DISC1: variants seen among roughly 807,000 people sequenced by gnomAD.
The protein encoded by DISC1 is DISC1 scaffold protein, also known as disrupted in schizophrenia 1 protein.
DISC1 carries 57 observed loss-of-function variants against 84.5 expected under a neutral mutation model. That is an observed-to-expected ratio of 0.67 (90% confidence interval 0.55 to 0.84). The LOEUF (loss-of-function observed/expected upper bound fraction) is 0.84, where lower values mean the gene tolerates loss of function less well. Among genes scored for constraint, DISC1 ranks in the 40% least tolerant of loss-of-function variants. The pLI is 0.00. For missense variants in DISC1, 1,000 were observed against 1,057.8 expected (o/e 0.95, Z 0.76); for synonymous variants, 411 against 415.2 (o/e 0.99, Z 0.12).
At chr1:231,941,434 T>C (rs1051861167) in intron 9 of DISC1, among the ~76,000 whole-genome samples, 6 of 151,454 alleles carry the variant, frequency 4.0e-5, no homozygotes, top group Non-Finnish European at 8.8e-5. Flanking sequence ...AACAAACGTG[T>C]ATGGAGAGCC....
chr1:231,716,125 C>T lies in DISC1; in HGVS notation c.1117+14101C>T, dbSNP rs187888517. Among the ~76,000 whole-genome samples the T allele has an allele frequency of 3.5e-4, 53 of 152,174 alleles. 1 individual carries two copies. In the East Asian group the frequency reaches 9.6e-3, roughly 28 times the overall value. On this transcript the variant is annotated intron_variant, in intron 3 of 12. Transcript: ENST00000439617. ...TTATTTGCTGCCTTTTCTTTTTCTA[C>T]CTACCACTTACCCGCTACCCCCGGG...
At chr1:232,000,654 A>C (rs1297204947) in intron 10 of DISC1, among the ~76,000 whole-genome samples, 2 of 152,208 alleles carry the variant, frequency 1.3e-5, no homozygotes, top group African/African-American at 4.8e-5. Context: ...TAAGAATTGA[A>C]TTTCTGAAAA....
chr1:231,922,676 G>C (rs2090081350), intron 9 of DISC1, among the ~76,000 whole-genome samples: 1 of 151,898 alleles, frequency 6.6e-6, no homozygotes, highest in African/African-American at 2.4e-5. Flanking sequence ...CAGCCCTCCA[G>C]GCCAGCCAGG....
chr1:231,697,815 G>T (rs774052238), intron 2 of DISC1, among the ~76,000 whole-genome samples: 4 of 152,050 alleles, frequency 2.6e-5, no homozygotes, highest in Non-Finnish European at 5.9e-5. Flanking sequence ...TTCTACTTAG[G>T]TCAAACAAGT....
In DISC1 at chr1:232,040,537, C is replaced by T. The variant is rs1670741722; in HGVS notation, c.*3706C>T. 6.6e-6 allele frequency: 1 copy of T among 152,124 alleles called. No homozygotes were observed. Among genetic ancestry groups the T allele is most frequent in the Admixed American group, 6.5e-5 (1 of 15,276 alleles). The allele number at this position is 152,124 out of a possible 1,614,324, so 9.4% of individuals were successfully genotyped here. A position where few individuals can be genotyped will look rare whatever the true frequency, so the allele number is the denominator to read the frequency against. On this transcript the variant is annotated 3_prime_UTR_variant, in exon 13 of 13. Coordinates refer to ENST00000439617, the MANE Select transcript of DISC1 (RefSeq NM_018662.3). ...CCTTAAGAGGACTAATTCCCTTTTT[C>T]TAAGGCACAGAGCTGGTAAAATGTG... is the stretch of plus-strand genomic sequence containing the variant.
intron 7 of DISC1, among the ~76,000 whole-genome samples, chr1:231,795,742 A>G (rs1441840105): frequency 6.6e-6 from 1 of 152,074 alleles, no homozygotes; most frequent in African/African-American, 2.4e-5. Context: ...TACAAAAATT[A>G]GCTGGGTGTG....
intron 11 of DISC1, among the ~76,000 whole-genome samples, chr1:232,010,087 A>C (rs1667895357): frequency 6.6e-6 from 1 of 151,942 alleles, no homozygotes; most frequent in African/African-American, 2.4e-5. Flanking sequence ...TCGATCCTTG[A>C]TCCTATATTT....
intron 9 of DISC1, among the ~76,000 whole-genome samples, chr1:231,820,054 G>A (rs527804245): frequency 7.9e-5 from 12 of 152,164 alleles, no homozygotes; most frequent in Non-Finnish European, 1.6e-4. Flanking sequence ...TACCATGGAT[G>A]ATTCTAAATT....
Position 232,031,227 on chromosome 1 carries a change from GA to G in DISC1, c.2425+4676del, listed in dbSNP as rs1213563371. Among the ~76,000 whole-genome samples, 2 of 108,950 alleles carry G rather than the reference GA, an allele frequency of 1.8e-5. No individual in the cohort carries two copies. Among genetic ancestry groups the G allele is most frequent in the Non-Finnish European group, 4.3e-5 (2 of 46,642 alleles). 71.5% of individuals were successfully genotyped at this position (108,950 alleles called of 152,430 possible). ...AGAGGAAGGAAGGAAGGGAGAAAGA[GA>G]GAGAGAAAGAGAGGAAGGAAGGAAG... On this transcript the variant is annotated intron_variant, in intron 12 of 12. Coordinates refer to ENST00000439617, the MANE Select transcript of DISC1 (RefSeq NM_018662.3). This position sits in a 1 kb window ranked among gnomAD's most constrained non-coding sequence, Gnocchi z 4.6.
chr1:231,747,824 T>A (rs2074176614), intron 3 of DISC1, among the ~76,000 whole-genome samples: 1 of 152,146 alleles, frequency 6.6e-6, no homozygotes, highest in Non-Finnish European at 1.5e-5. Context: ...TTGATAGAGA[T>A]TGCACTGTTA....
rs9661419 is a variant in DISC1, at chr1:232,031,195, C to A, written c.2425+4643C>A. On this transcript the variant is annotated intron_variant, in intron 12 of 12. Coordinates refer to ENST00000439617, the MANE Select transcript of DISC1 (RefSeq NM_018662.3). This position sits in a 1 kb window ranked among gnomAD's most constrained non-coding sequence, Gnocchi z 4.6. ...AAGGAAGGAAGGGAGAAAGGAGAGA[C>A]AGAGAGAGAGGAAGGAAGGAAGGGA... Among the ~76,000 whole-genome samples the A allele has an allele frequency of 7.2e-6, 1 of 139,548 alleles. No individual in the cohort carries two copies. The allele number at this position is 139,548 out of a possible 152,430, so 91.5% of individuals were successfully genotyped here.
intron 11 of DISC1, among the ~76,000 whole-genome samples, chr1:232,015,015 G>C (rs1212726592): frequency 2.0e-5 from 3 of 152,204 alleles, no homozygotes; most frequent in Non-Finnish European, 4.4e-5. Context: ...AACTGCGCAG[G>C]CTTACCAGGA....
At chr1:231,780,255 A>C (rs1388621370) in intron 6 of DISC1, among the ~76,000 whole-genome samples, 2 of 151,174 alleles carry the variant, frequency 1.3e-5, no homozygotes, top group African/African-American at 4.9e-5. Context: ...AAAAAAAGAA[A>C]AGGAAAGAAT....
intron 3 of DISC1, among the ~76,000 whole-genome samples, chr1:231,733,441 A>G (rs1333921276): frequency 1.5e-5 from 2 of 137,214 alleles, no homozygotes; most frequent in Non-Finnish European, 3.3e-5. Flanking sequence ...AATGGTGGTG[A>G]TGGTGGTGAT....
chr1:231,630,173 C>T lies in DISC1; in HGVS notation c.67+3239C>T, dbSNP rs2058595868. On this transcript the variant is annotated intron_variant, in intron 1 of 12. Transcript: ENST00000439617. The surrounding 1 kb of genome is among the most constrained non-coding windows in gnomAD (Gnocchi z 4.4). Reference sequence around the variant, plus strand: ...CTCGATCTCCTGACCTTGTAATCTGCCCGCCTCAGCCTCCCAAAGTGCTGG... The same window carrying T: ...CTCGATCTCCTGACCTTGTAATCTGTCCGCCTCAGCCTCCCAAAGTGCTGG... 1.3e-5 allele frequency among the ~76,000 whole-genome samples: 2 copies of T among 152,094 alleles called. No individual in the cohort carries two copies. The highest frequency in any genetic ancestry group is 3.9e-4 in the East Asian group (2 of 5,188).
At chr1:231,635,821 T>C (rs200985126) in intron 1 of DISC1, among the ~76,000 whole-genome samples, 28 of 152,204 alleles carry the variant, frequency 1.8e-4, no homozygotes, top group Non-Finnish European at 3.2e-4. Flanking sequence ...CTTATGTTTG[T>C]ATATATATGT....
chr1:231,915,435 C>G lies in DISC1; in HGVS notation c.1982-43393C>G, dbSNP rs528201357. ...CCACTCATGGGTCTTTGGCCAGGGC[C>G]ACGGCTAGCTGCAGAGGAGGCCAAC... On this transcript the variant is annotated intron_variant, in intron 9 of 12. Transcript: ENST00000439617. Among the ~76,000 whole-genome samples, 3 of 152,316 alleles carry G rather than the reference C, an allele frequency of 2.0e-5. No homozygotes were observed. In the South Asian group the frequency reaches 6.2e-4, roughly 32 times the overall value.
intron 1 of DISC1, among the ~76,000 whole-genome samples, chr1:231,643,010 C>T (rs1382024998): frequency 6.6e-6 from 1 of 152,170 alleles, no homozygotes; most frequent in Non-Finnish European, 1.5e-5. Context: ...GCCTTCCCAC[C>T]AAACCTTGCC....
Position 232,026,484 on chromosome 1 carries a change from G to T in DISC1, c.2357G>T (p.Gly786Val), listed in dbSNP as rs760513137. Residue 786 changes from glycine (G) to valine (V), a missense_variant, in exon 12 of 13, where the codon GGC becomes GTC. By Grantham distance (109) the Gly-to-Val change is moderately radical. Around this residue, in one of 3 missense-constraint regions of DISC1, gnomAD observed 397 missense variants for 377.5 expected, o/e 1.05. Coordinates refer to ENST00000439617, the MANE Select transcript of DISC1 (RefSeq NM_018662.3). ...AELGEKCEDI[G>V]KKLLYLEDQL... is the part of the protein sequence containing the mutation. Reference sequence around the variant, plus strand: ...CTTGGAGAAAAGTGTGAAGACATAGGCAAGAAGCTATTGTACTTGGAAGAT... The same window carrying T: ...CTTGGAGAAAAGTGTGAAGACATAGTCAAGAAGCTATTGTACTTGGAAGAT... 13 of 1,608,784 alleles carry T rather than the reference G, an allele frequency of 8.1e-6. 1 individual carries two copies. In the East Asian group the frequency reaches 2.9e-4, roughly 36 times the overall value.
Sources: allele counts gnomAD v4.1 joint callset (sites outside exome capture counted in the v4.1 genomes callset), GRCh38; gene constraint gnomAD v4.1.1; regional missense constraint gnomAD v4.1.1; non-coding constraint Gnocchi (gnomAD v3.1); transcripts MANE v1.5; gene names NCBI Gene and HGNC (gene_info 2026-07-23, HGNC 2026-07-21).